RERE: variants seen among roughly 807,000 people sequenced by gnomAD.
RERE encodes the protein arginine-glutamic acid dipeptide repeats.
RERE carries 40 observed loss-of-function variants against 146.1 expected under a neutral mutation model. The observed-to-expected ratio is 0.27, with a 90% CI of 0.21 to 0.36. The LOEUF is 0.36. Ranked by LOEUF, RERE falls within the 10% of genes least tolerant of loss-of-function variation. The pLI is 1.00. For missense variants in RERE, 1,933 were observed against 2,138.7 expected (o/e 0.90, Z 1.90); for synonymous variants, 1,003 against 866.0 (o/e 1.16, Z -2.78).
chr1:8,747,127 G>A (rs11588260), intron 1 of RERE, among the ~76,000 whole-genome samples: 33,176 of 151,708 alleles, frequency 0.22, 3,859 homozygotes, highest in Middle Eastern at 0.27. Flanking sequence ...TCAGCCTCCC[G>A]AGTAGCTGGG....
intron 7 of RERE, chr1:8,525,883 C>A: frequency 6.9e-7 from 1 of 1,451,016 alleles, no homozygotes; most frequent in Non-Finnish European, 9.1e-7. Flanking sequence ...AATGGAGGCA[C>A]ATGCAGTCTC....
At chr1:8,549,253 A>G (rs1471508363) in intron 6 of RERE, among the ~76,000 whole-genome samples, 3 of 152,220 alleles carry the variant, frequency 2.0e-5, no homozygotes, top group Non-Finnish European at 4.4e-5. Flanking sequence ...TAGAAAATAA[A>G]AAACGAGCCT....
chr1:8,502,925 T>C (rs1420302276), intron 8 of RERE, among the ~76,000 whole-genome samples: 10 of 150,932 alleles, frequency 6.6e-5, no homozygotes, highest in Admixed American at 2.0e-4. Context: ...TCCCTAATCT[T>C]AAGTACCCAG....
At chr1:8,464,465 G>A (rs1219304752) in intron 11 of RERE, among the ~76,000 whole-genome samples, 3 of 152,016 alleles carry the variant, frequency 2.0e-5, no homozygotes, top group South Asian at 2.1e-4. Flanking sequence ...CGGACTCAGC[G>A]GCCAGTGTGA....
chr1:8,687,461 G>A (rs1179616823), intron 1 of RERE, among the ~76,000 whole-genome samples: 1 of 152,168 alleles, frequency 6.6e-6, no homozygotes, highest in Non-Finnish European at 1.5e-5. Context: ...GACTTGCCCA[G>A]GAGCCTTAAA....
chr1:8,724,140 ATG>A (rs1639913344), intron 1 of RERE, among the ~76,000 whole-genome samples: 1 of 152,230 alleles, frequency 6.6e-6, no homozygotes, highest in African/African-American at 2.4e-5. Context: ...CATTTATATC[ATG>A]TAACATATTA....
intron 1 of RERE, among the ~76,000 whole-genome samples, chr1:8,771,214 T>C (rs1640942029): frequency 6.6e-6 from 1 of 152,034 alleles, no homozygotes; most frequent in African/African-American, 2.4e-5. Flanking sequence ...ACAGCTATCA[T>C]TTTGGAGATT....
chr1:8,377,682 C>CA lies in RERE; in HGVS notation c.1285-11709dup. Among the ~76,000 whole-genome samples the CA allele has an allele frequency of 1.3e-5, 2 of 152,142 alleles. 1 individual carries two copies. Among genetic ancestry groups the CA allele is most frequent in the Non-Finnish European group, 2.9e-5 (2 of 68,036 alleles). The stretch of plus-strand genomic sequence containing the variant: ...ATTTATTGGCCTTTCATTATATGTG[C>CA]AATCTTATTATCCCTGCACAGCATC... On this transcript the variant is annotated intron_variant, in intron 12 of 22. Transcript: ENST00000400908.
intron 7 of RERE, chr1:8,512,721 G>C (rs1645358517): frequency 6.6e-6 from 1 of 152,262 alleles, no homozygotes; most frequent in Non-Finnish European, 1.5e-5. Flanking sequence ...AGTGTCTCTT[G>C]AAGATGTGTG....
At chr1:8,371,252 C>G (rs972353635) in intron 12 of RERE, among the ~76,000 whole-genome samples, 2 of 152,098 alleles carry the variant, frequency 1.3e-5, no homozygotes, top group Non-Finnish European at 2.9e-5. Context: ...TAAATTTTTC[C>G]CACAGGTCAT....
At chr1:8,494,979 C>T in intron 10 of RERE, 84 bp downstream of exon 10, 1 of 1,014,502 alleles carries the variant, frequency 9.9e-7, no homozygotes, top group Non-Finnish European at 1.6e-6. Flanking sequence ...CGACTTCATG[C>T]TCCGCACTCA....
chr1:8,605,745 C>CAAA (rs564574812), intron 4 of RERE, among the ~76,000 whole-genome samples: 5,127 of 64,436 alleles, frequency 0.08, 658 homozygotes, highest in Middle Eastern at 0.2. Context: ...ACCCCATCTC[C>CAAA]AAAAAAAAAA....
At chr1:8,561,990 C>CA (rs1335934490) in intron 4 of RERE, among the ~76,000 whole-genome samples, 3 of 152,196 alleles carry the variant, frequency 2.0e-5, no homozygotes, top group Non-Finnish European at 4.4e-5. Flanking sequence ...GGGCAAGTAA[C>CA]TTCTCCAAGC....
intron 12 of RERE, among the ~76,000 whole-genome samples, chr1:8,391,347 T>C (rs1009457331): frequency 8.5e-5 from 13 of 152,206 alleles, no homozygotes; most frequent in Admixed American, 4.6e-4. Context: ...GCCTGGCACC[T>C]GAGAGGCCCT....
chr1:8,380,657 T>C, intron 12 of RERE: 1 of 362,000 alleles, frequency 2.8e-6, no homozygotes, highest in Non-Finnish European at 5.4e-6. Flanking sequence ...CATCAAGAGC[T>C]TTTTTAAAAG....
At chr1:8,766,576 A>AAG (rs561437590) in intron 1 of RERE, among the ~76,000 whole-genome samples, 3 of 151,346 alleles carry the variant, frequency 2.0e-5, no homozygotes, top group Non-Finnish European at 4.4e-5. Context: ...AAAGAAAAAA[A>AAG]AGAGAGAGAG....
intron 7 of RERE, among the ~76,000 whole-genome samples, chr1:8,535,030 G>C (rs1645706779): frequency 6.6e-6 from 1 of 152,084 alleles, no homozygotes; most frequent in African/African-American, 2.4e-5. Context: ...CTTGAGCCCG[G>C]GAGGATCACT....
intron 1 of RERE, among the ~76,000 whole-genome samples, chr1:8,725,288 G>A (rs535180032): frequency 1.4e-4 from 22 of 152,326 alleles, no homozygotes; most frequent in East Asian, 5.8e-4. Flanking sequence ...TATTTTGGCC[G>A]GATGCGGTGG....
rs773529676 is a variant in RERE at position 8,359,919 on chromosome 1, C to T, written c.3463G>A (p.Ala1155Thr). The T allele has an allele frequency of 1.2e-6, 2 of 1,613,382 alleles. No individual in the cohort carries two copies. Among genetic ancestry groups the T allele is most frequent in the Admixed American group, 3.3e-5 (2 of 60,028 alleles). The change falls in exon 19 of 23, where the codon GCC becomes ACC. Residue 1155 changes from alanine to threonine, a missense_variant. Ala to Thr is a moderately conservative substitution (Grantham distance 58, BLOSUM62 0). Coordinates refer to ENST00000400908, the MANE Select transcript of RERE (RefSeq NM_001042681.2). ...CTCTTCTTGGCCAGCTTGGACCCGGCCAGAGGCATGAAGTACAGGTCTGTC... is the reference window on the plus strand; with the variant it reads ...CTCTTCTTGGCCAGCTTGGACCCGGTCAGAGGCATGAAGTACAGGTCTGTC... ...ARTDLYFMPL[A>T]GSKLAKKREE...
Sources: allele counts gnomAD v4.1 joint callset (sites outside exome capture counted in the v4.1 genomes callset), GRCh38; gene constraint gnomAD v4.1.1; transcripts MANE v1.5; gene names NCBI Gene and HGNC (gene_info 2026-07-23, HGNC 2026-07-21).